SAMM50: variants seen among roughly 807,000 people sequenced by gnomAD.
SAMM50 encodes sorting and assembly machinery component 50 homolog.
Under a neutral mutation model 66.9 loss-of-function variants are expected in SAMM50, and 47 were observed. The ratio of observed to expected loss-of-function variants is 0.70; its 90% CI spans 0.56 to 0.90. The LOEUF (loss-of-function observed/expected upper bound fraction) is 0.90. SAMM50 is among the 40% of genes least tolerant of loss of function. The pLI, the probability that SAMM50 is intolerant of heterozygous loss-of-function variation, is 0.00. For missense variants in SAMM50, 535 were observed against 595.3 expected (o/e 0.90, Z 1.05); for synonymous variants, 191 against 214.1 (o/e 0.89, Z 0.94).
chr22:43,968,226 C>CAAAAAAAAAAAAATAAA (rs2050183627), intron 3 of SAMM50, among the ~76,000 whole-genome samples: 1 of 68,650 alleles, frequency 1.5e-5, no homozygotes, highest in Non-Finnish European at 2.8e-5. Flanking sequence ...AACTCTGTCT[C>CAAAAAAAAAAAAATAAA]AAAAAAAAAA....
At chr22:43,975,904 T>A (rs908592148) in intron 7 of SAMM50, 151 bp from the exon 8 acceptor site, 1 of 760,534 alleles carries the variant, frequency 1.3e-6, no homozygotes, top group Non-Finnish European at 2.1e-6. Context: ...CTCTTCCCCT[T>A]CTTCTCTTCT....
chr22:43,983,953 CA>C lies in SAMM50; in HGVS notation c.1030del (p.Ser344AlafsTer19), dbSNP rs1223878637. The C allele has an allele frequency of 6.8e-6, 11 of 1,611,438 alleles. No homozygotes were observed. Among genetic ancestry groups the C allele is most frequent in the Non-Finnish European group, 9.3e-6 (11 of 1,179,034 alleles). ...CCTAGGTTTTACCTTGGGGGACCCACAAGCATCCGCGGATTCAGCATGCACA... is the reference window on the plus strand; with the variant it reads ...CCTAGGTTTTACCTTGGGGGACCCACAGCATCCGCGGATTCAGCATGCACA... ...IADRFYLGGP[T>X]SIRGFSMHSI... On this transcript the variant is annotated frameshift_variant, in exon 12 of 15. Transcript: ENST00000350028. LOFTEE classifies it high-confidence loss of function. The surrounding 1 kb of genome is among the most constrained non-coding windows in gnomAD (Gnocchi z 4.2).
At chr22:43,973,399 C>A in intron 7 of SAMM50, 76 bp downstream of exon 7, 2 of 869,400 alleles carry the variant, frequency 2.3e-6, no homozygotes, top group South Asian at 1.4e-5. Context: ...CCAAAGGCAG[C>A]AAGAGGGCAG....
chr22:43,986,649 C>T (rs1314305071), intron 12 of SAMM50: 1 of 151,854 alleles, frequency 6.6e-6, no homozygotes, highest in Non-Finnish European at 1.5e-5. Flanking sequence ...CTCCCAGGTT[C>T]AAGCGATTCC....
chr22:43,993,160 T>C (rs1430263071), intron 14 of SAMM50, among the ~76,000 whole-genome samples: 1 of 151,956 alleles, frequency 6.6e-6, no homozygotes. Flanking sequence ...CTTAAGTGGG[T>C]GGTTTTGAGT....
intron 1 of SAMM50, chr22:43,957,390 GA>G (rs748564771): frequency 5.5e-3 from 2,023 of 369,730 alleles, no homozygotes; most frequent in South Asian, 8.5e-3. Context: ...TTGTGCTCTT[GA>G]AAAAAAAAAG....
chr22:43,989,233 G>A lies in SAMM50; in HGVS notation c.1198G>A (p.Gly400Arg). 1 of 1,614,126 alleles carries A rather than the reference G, an allele frequency of 6.2e-7. No homozygotes were observed. The highest frequency in any genetic ancestry group is 8.5e-7 in the Non-Finnish European group (1 of 1,180,032). ...LFRTHFFLNA[G>R]NLCNLNYGEG... ...CCGAACACACTTCTTTCTCAACGCA[G>A]GAAACCTCTGCAACCTCAACTATGG... Residue 400 changes from glycine (G) to arginine (R), a missense_variant, in exon 13 of 15, where the codon GGA becomes AGA. Gly to Arg is a moderately radical substitution (Grantham distance 125, BLOSUM62 -2). Coordinates refer to ENST00000350028, the MANE Select transcript of SAMM50 (RefSeq NM_015380.5).
At chr22:43,978,932 C>T (rs775116496) in intron 10 of SAMM50, among the ~76,000 whole-genome samples, 10 of 152,186 alleles carry the variant, frequency 6.6e-5, no homozygotes, top group Non-Finnish European at 1.2e-4. Flanking sequence ...TGCCCCTATT[C>T]AGCCCTTGAC....
At chr22:43,978,489 G>A (rs2050245919) in intron 10 of SAMM50, among the ~76,000 whole-genome samples, 1 of 147,886 alleles carries the variant, frequency 6.8e-6, no homozygotes, top group African/African-American at 2.5e-5. Flanking sequence ...AGGACCATGA[G>A]AGAGCCCCTC....
intron 10 of SAMM50, among the ~76,000 whole-genome samples, chr22:43,980,153 C>CGTCCATCCACCCACCCACACACACACCT (rs2050256841): frequency 4.4e-5 from 1 of 22,584 alleles, no homozygotes; most frequent in African/African-American, 2.4e-4. Flanking sequence ...TCCATCCATC[C>CGTCCATCCACCCACCCACACACACACCT]ATCCATCCAT....
chr22:43,981,318 G>C (rs2050263562), intron 10 of SAMM50, 73 bp from the exon 11 acceptor site: 1 of 1,194,584 alleles, frequency 8.4e-7, no homozygotes, highest in African/African-American at 1.5e-5. Context: ...TGTGTGGCCA[G>C]TTGCTAGTTG....
At chr22:43,993,475 C>A (rs2050336599) in intron 14 of SAMM50, among the ~76,000 whole-genome samples, 1 of 152,250 alleles carries the variant, frequency 6.6e-6, no homozygotes, top group African/African-American at 2.4e-5. Context: ...CAGGTTAAAT[C>A]TAAAAAACAC....
At chr22:43,994,035 C>T (rs1429116667) in intron 14 of SAMM50, among the ~76,000 whole-genome samples, 2 of 152,158 alleles carry the variant, frequency 1.3e-5, no homozygotes, top group Non-Finnish European at 2.9e-5. Context: ...GAGAGCAGCT[C>T]ACAGTTAGCA....
intron 9 of SAMM50, 115 bp downstream of exon 9, chr22:43,976,936 G>A (rs531412592): frequency 2.9e-4 from 186 of 647,686 alleles, no homozygotes; most frequent in Middle Eastern, 4.1e-4. Context: ...CAGAGTAATC[G>A]CACATGCAGT....
chr22:43,957,861 C>T (rs1603418389), intron 1 of SAMM50, among the ~76,000 whole-genome samples: 1 of 152,216 alleles, frequency 6.6e-6, no homozygotes, highest in Non-Finnish European at 1.5e-5. Context: ...CAGATTCACA[C>T]CATTCTCCTG....
chr22:43,980,132 C>A (rs1477551483), intron 10 of SAMM50, among the ~76,000 whole-genome samples: 4 of 102,864 alleles, frequency 3.9e-5, no homozygotes, highest in African/African-American at 1.2e-4. Context: ...ACCTACCCAC[C>A]CACACATCCA....
intron 14 of SAMM50, among the ~76,000 whole-genome samples, chr22:43,992,717 A>G (rs1318361599): frequency 6.6e-6 from 1 of 152,254 alleles, no homozygotes; most frequent in African/African-American, 2.4e-5. Flanking sequence ...TACTGCATGC[A>G]GAGCCCTTGG....
chr22:43,976,542 T>C (rs1003078905), intron 8 of SAMM50, among the ~76,000 whole-genome samples: 1 of 152,182 alleles, frequency 6.6e-6, no homozygotes, highest in Non-Finnish European at 1.5e-5. Context: ...GTTTATTCAG[T>C]TGAAGCTCAA....
At position 43,979,225 on chromosome 22, in the gene SAMM50, C is replaced by T. The variant is rs1242646342; in HGVS notation, c.936+1267C>T. Among the ~76,000 whole-genome samples the T allele has an allele frequency of 2.0e-5, 3 of 152,230 alleles. No individual in the cohort carries two copies. The East Asian group carries it at 5.8e-4, about 29-fold the overall frequency. On this transcript the variant is annotated intron_variant, in intron 10 of 14. Transcript: ENST00000350028. ...TGCTTCTCTCTGGGACAGTCTCCTA[C>T]AGCCCTGTGGCTGCAGCTGCTGCCT...
Sources: allele counts gnomAD v4.1 joint callset (sites outside exome capture counted in the v4.1 genomes callset), GRCh38; gene constraint gnomAD v4.1.1; non-coding constraint Gnocchi (gnomAD v3.1); transcripts MANE v1.5; gene names NCBI Gene and HGNC (gene_info 2026-07-23, HGNC 2026-07-21).